Variants in TSHZ2 observed in about 807,000 individuals in gnomAD.
The protein encoded by TSHZ2 is teashirt zinc finger homeobox 2.
Under a neutral mutation model 74.4 loss-of-function variants are expected in TSHZ2, and 21 were observed. The observed-to-expected ratio is 0.28, with a 90% CI of 0.20 to 0.41. TSHZ2 has a LOEUF of 0.41. TSHZ2 is among the 10% of genes least tolerant of loss of function. The probability of loss-of-function intolerance (pLI) is 1.00; values close to 1 mark genes in which losing one functional copy is unlikely to be tolerated. For missense variants in TSHZ2, 1,244 were observed against 1,293.5 expected, an observed-to-expected ratio of 0.96 and a Z score of 0.59; for synonymous variants, 540 against 515.3, an observed-to-expected ratio of 1.05 and a Z score of -0.65.
intron 2 of TSHZ2, among the ~76,000 whole-genome samples, chr20:53,414,384 C>T (rs1385973884): frequency 2.0e-5 from 3 of 152,144 alleles, no homozygotes; most frequent in Non-Finnish European, 2.9e-5. Flanking sequence ...CTTTGGGAGG[C>T]CAACGCAGAA....
Position 53,295,108 on chromosome 20 carries a change from A to G in TSHZ2, c.*8+38537A>G, listed in dbSNP as rs1991351182. Among the ~76,000 whole-genome samples, 3 of 152,204 alleles carry G rather than the reference A, an allele frequency of 2.0e-5. No homozygotes were observed. The South Asian group carries it at 6.2e-4, about 32-fold the overall frequency. On this transcript the variant is annotated intron_variant, in intron 2 of 2. Transcript: ENST00000371497. The stretch of plus-strand genomic sequence containing the variant: ...AATTTTGTCCTCGTACCCTCCATTT[A>G]CAAACAGAAATGTTTAACTAATGCT...
chr20:53,347,701 T>C (rs1379621763), intron 2 of TSHZ2, among the ~76,000 whole-genome samples: 2 of 152,190 alleles, frequency 1.3e-5, no homozygotes, highest in Admixed American at 1.3e-4. Context: ...GTTTGTTGCA[T>C]AGGTAAACAT....
chr20:53,139,056 A>G (rs1190758685), intron 1 of TSHZ2, among the ~76,000 whole-genome samples: 1 of 152,230 alleles, frequency 6.6e-6, no homozygotes, highest in Non-Finnish European at 1.5e-5. Flanking sequence ...TTGTTCTGAC[A>G]GTGTTTCTCA....
At chr20:53,348,674 G>A (rs1232341162) in intron 2 of TSHZ2, among the ~76,000 whole-genome samples, 1 of 152,194 alleles carries the variant, frequency 6.6e-6, no homozygotes, top group Non-Finnish European at 1.5e-5. Context: ...TAATGAAAGT[G>A]TCATGACAGA....
chr20:53,221,676 A>G (rs1226979790), intron 1 of TSHZ2, among the ~76,000 whole-genome samples: 1 of 152,256 alleles, frequency 6.6e-6, no homozygotes, highest in Non-Finnish European at 1.5e-5. Context: ...GGTTAAAAGT[A>G]TACTCATAAT....
At chr20:53,246,635 T>C (rs886756864) in intron 1 of TSHZ2, among the ~76,000 whole-genome samples, 1 of 152,162 alleles carries the variant, frequency 6.6e-6, no homozygotes, top group Non-Finnish European at 1.5e-5. Context: ...CTAGTGAAAC[T>C]CCACTAAAGT....
At chr20:53,141,245 C>A (rs1452514369) in intron 1 of TSHZ2, among the ~76,000 whole-genome samples, 1 of 152,226 alleles carries the variant, frequency 6.6e-6, no homozygotes, top group Non-Finnish European at 1.5e-5. Context: ...AGGCCAGCAG[C>A]CAGCCTCCAG....
chr20:53,056,333 C>T (rs1287967222), intron 1 of TSHZ2, among the ~76,000 whole-genome samples: 1 of 152,148 alleles, frequency 6.6e-6, no homozygotes, highest in Non-Finnish European at 1.5e-5. Context: ...TACACTGAAA[C>T]AGGTGATGCC....
chr20:53,036,437 C>T (rs1433036693), intron 1 of TSHZ2, among the ~76,000 whole-genome samples: 1 of 151,548 alleles, frequency 6.6e-6, no homozygotes, highest in Non-Finnish European at 1.5e-5. Flanking sequence ...TGCACGTATA[C>T]ATACACACAT....
chr20:53,344,721 T>C (rs1980367905), intron 2 of TSHZ2, among the ~76,000 whole-genome samples: 1 of 152,106 alleles, frequency 6.6e-6, no homozygotes, highest in South Asian at 2.1e-4. Flanking sequence ...AATAGATGCA[T>C]GTTGATATGT....
intron 1 of TSHZ2, among the ~76,000 whole-genome samples, chr20:53,002,545 C>G (rs148320599): frequency 6.6e-6 from 1 of 152,036 alleles, no homozygotes; most frequent in South Asian, 2.1e-4. Context: ...GGCTTGAAAT[C>G]TTATGCTTTT....
chr20:53,332,012 C>A (rs1324503969), intron 2 of TSHZ2, among the ~76,000 whole-genome samples: 1 of 152,154 alleles, frequency 6.6e-6, no homozygotes, highest in Non-Finnish European at 1.5e-5. Flanking sequence ...CTGCCCTCCT[C>A]TGGGGTCCCA....
At chr20:53,369,604 G>A (rs573314284) in intron 2 of TSHZ2, among the ~76,000 whole-genome samples, 1 of 152,106 alleles carries the variant, frequency 6.6e-6, no homozygotes, top group African/African-American at 2.4e-5. Flanking sequence ...TCAGCTACTC[G>A]GGAGGCTGAG....
chr20:53,405,418 A>T (rs540195766), intron 2 of TSHZ2, among the ~76,000 whole-genome samples: 274 of 152,338 alleles, frequency 1.8e-3, no homozygotes, highest in African/African-American at 6.2e-3. Context: ...TGAGGAAGTC[A>T]GCACTTGAAG....
intron 2 of TSHZ2, among the ~76,000 whole-genome samples, chr20:53,442,323 T>TC (rs1267185009): frequency 6.6e-6 from 1 of 152,178 alleles, no homozygotes. Context: ...ATGCTGTGTC[T>TC]GTTGCTTTGG....
At chr20:53,422,949 A>G (rs532298740) in intron 2 of TSHZ2, among the ~76,000 whole-genome samples, 1 of 152,200 alleles carries the variant, frequency 6.6e-6, no homozygotes, top group African/African-American at 2.4e-5. Context: ...TATTAAGGGC[A>G]TTACCTACTT....
At chr20:53,185,763 ATTTTC>A in intron 1 of TSHZ2, 1 of 1,496,432 alleles carries the variant, frequency 6.7e-7, no homozygotes, top group Non-Finnish European at 9.0e-7. Flanking sequence ...CCCTTCAACC[ATTTTC>A]TTAATGGTTT....
chr20:53,126,539 C>CT (rs1986951214), intron 1 of TSHZ2, among the ~76,000 whole-genome samples: 1 of 152,018 alleles, frequency 6.6e-6, no homozygotes, highest in African/African-American at 2.4e-5. Context: ...TTTCAGATGA[C>CT]TAGAGGAGGT....
chr20:53,125,181 A>G (rs1330703742), intron 1 of TSHZ2, among the ~76,000 whole-genome samples: 1 of 152,246 alleles, frequency 6.6e-6, no homozygotes. Flanking sequence ...TGAATGTTGC[A>G]TAGAAAGTTC....
Sources: gnomAD v4.1 joint callset for allele counts (sites outside exome capture counted in the v4.1 genomes callset) on GRCh38, gnomAD v4.1.1 for gene constraint, MANE v1.5 for transcripts, NCBI Gene and HGNC (gene_info 2026-07-23, HGNC 2026-07-21) for gene names.